The following OPA3 variants were observed in gnomAD, a reference collection of about 807,000 sequenced individuals.
OPA3 encodes outer mitochondrial membrane lipid metabolism regulator OPA3.
In OPA3, 6 loss-of-function variants were observed where a neutral mutation model predicts 4.0. That is an observed-to-expected ratio of 1.51 (90% CI 0.83 to 2.99). The LOEUF (loss-of-function observed/expected upper bound fraction) is 2.99, where lower values mean the gene tolerates loss of function less well. Ranked by LOEUF, OPA3 falls within the 30% of genes most tolerant of loss-of-function variation. The probability of loss-of-function intolerance (pLI) is 0.00; values close to 1 mark genes in which losing one functional copy is unlikely to be tolerated. For synonymous variants in OPA3, 105 were observed against 117.1 expected (o/e 0.90, Z 0.67); for missense variants, 235 against 256.2 (o/e 0.92, Z 0.56).
intron 1 of OPA3, among the ~76,000 whole-genome samples, chr19:45,582,553 A>G (rs1040746360): frequency 6.7e-6 from 1 of 148,332 alleles, no homozygotes; most frequent in Non-Finnish European, 1.5e-5. Context: ...TCGGTGGAGC[A>G]GAGTTTTTAA....
rs964374864 is a variant in OPA3, at chr19:45,553,082, G to A, written c.*432C>T. 5 of 1,115,812 alleles carry A rather than the reference G, an allele frequency of 4.5e-6. No individual in the cohort carries two copies. Among genetic ancestry groups the A allele is most frequent in the Non-Finnish European group, 5.5e-6 (5 of 906,996 alleles). The allele number at this position is 1,115,812 out of a possible 1,614,324, so 69.1% of individuals were successfully genotyped here. A position where few individuals can be genotyped will look rare whatever the true frequency, so the allele number is the denominator to read the frequency against. On this transcript the variant is annotated 3_prime_UTR_variant, in exon 2 of 2. Coordinates refer to ENST00000263275, the MANE Select transcript of OPA3 (RefSeq NM_025136.4). ...GCAACACACTGCATTTCCTTACAGT[G>A]GTCTGTGCCGATTGACAAAAAGAAG...
chr19:45,575,803 G>A (rs145196705), intron 1 of OPA3, among the ~76,000 whole-genome samples: 2 of 152,180 alleles, frequency 1.3e-5, no homozygotes, highest in African/African-American at 4.8e-5. Context: ...ACAAGGTCTC[G>A]CTTTGTTGCC....
chr19:45,568,148 G>A (rs1373839067), intron 1 of OPA3, among the ~76,000 whole-genome samples: 7 of 151,892 alleles, frequency 4.6e-5, no homozygotes, highest in Admixed American at 1.3e-4. Context: ...ACGGGTGTTG[G>A]CCACCCCACC....
intron 1 of OPA3, among the ~76,000 whole-genome samples, chr19:45,566,274 C>T (rs893726310): frequency 5.3e-5 from 8 of 151,462 alleles, no homozygotes; most frequent in Non-Finnish European, 8.8e-5. Flanking sequence ...CTCAGCCTCC[C>T]GAGTATCTGG....
intron 1 of OPA3, among the ~76,000 whole-genome samples, chr19:45,567,282 G>A (rs774711143): frequency 6.0e-5 from 9 of 150,818 alleles, no homozygotes; most frequent in Non-Finnish European, 1.0e-4. Flanking sequence ...TGAGGCTGCA[G>A]TGAGCCGTGT....
At chr19:45,543,825 G>A (rs949131447), downstream of OPA3, among the ~76,000 whole-genome samples, 1 of 152,050 alleles carries the variant, frequency 6.6e-6, no homozygotes, top group African/African-American at 2.4e-5. Context: ...TACACATATG[G>A]GGTCTCTGTT....
At chr19:45,559,976 T>C (rs1969480579) in intron 1 of OPA3, among the ~76,000 whole-genome samples, 1 of 152,086 alleles carries the variant, frequency 6.6e-6, no homozygotes, top group East Asian at 1.9e-4. Context: ...GGGGTCAAAA[T>C]ACTCAACTGA....
intron 1 of OPA3, among the ~76,000 whole-genome samples, chr19:45,559,174 G>A (rs546834124): frequency 2.0e-5 from 3 of 151,978 alleles, no homozygotes; most frequent in East Asian, 3.9e-4. Flanking sequence ...GTGAGCCACC[G>A]TGTCTGGCCT....
In OPA3 at chr19:45,541,062, A is replaced by G. The variant is rs1332119451; in HGVS notation, c.143-11606T>C. ...TAGTCTGAGTCAGGAACAGCCTGCAACAGAAACTGGAGAAACCCATGGCTT... is the reference window on the plus strand; with the variant it reads ...TAGTCTGAGTCAGGAACAGCCTGCAGCAGAAACTGGAGAAACCCATGGCTT... On this transcript the variant is annotated intron_variant, in intron 1 of 1. Transcript: ENST00000323060. 2.0e-5 allele frequency among the ~76,000 whole-genome samples: 3 copies of G among 152,286 alleles called. No homozygotes were observed. In the East Asian group the frequency reaches 5.8e-4, roughly 29 times the overall value.
rs926480551 is a variant in OPA3 at position 45,584,319 on chromosome 19, T to C, written c.142+304A>G. ...AGCTCCTCTATCCTGGAAAGCCCCG[T>C]CCAAATTTCTCCCATCTCTCACACT... is the stretch of plus-strand genomic sequence containing the variant. On this transcript the variant is annotated intron_variant, in intron 1 of 1. Coordinates refer to ENST00000263275, the MANE Select transcript of OPA3 (RefSeq NM_025136.4). 1.2e-5 allele frequency: 12 copies of C among 984,720 alleles called. No homozygotes were observed. The African/African-American group carries it at 2.1e-4, about 17-fold the overall frequency. The allele number at this position is 984,720 out of a possible 1,614,324, so 61.0% of individuals were successfully genotyped here.
Position 45,560,547 on chromosome 19 carries a change from G to A in OPA3, c.143-6636C>T, listed in dbSNP as rs116580734. ...TGCTTTTGGTGTTATCTGTCCCCTC[G>A]AGAATGTGGCACTGTGCATTGCCCC... On this transcript the variant is annotated intron_variant, in intron 1 of 1. Transcript: ENST00000263275. Among the ~76,000 whole-genome samples, 870 of 152,042 alleles carry A rather than the reference G, an allele frequency of 5.7e-3. 11 individuals are homozygous for A. Among genetic ancestry groups the A allele is most frequent in the African/African-American group, 0.02 (823 of 41,464 alleles).
intron 1 of OPA3, among the ~76,000 whole-genome samples, chr19:45,576,798 C>T (rs912394768): frequency 6.6e-6 from 1 of 152,194 alleles, no homozygotes; most frequent in Non-Finnish European, 1.5e-5. Flanking sequence ...CTGACCTGAC[C>T]TGCATAATTC....
intron 1 of OPA3, among the ~76,000 whole-genome samples, chr19:45,577,789 CAT>C (rs1320790076): frequency 7.3e-6 from 1 of 137,428 alleles, no homozygotes; most frequent in African/African-American, 3.2e-5. Flanking sequence ...TCCCGCCAAA[CAT>C]GTTCAACATG....
chr19:45,532,932 C>T (rs1187935326), intron 1 of OPA3, among the ~76,000 whole-genome samples: 1 of 152,008 alleles, frequency 6.6e-6, no homozygotes, highest in Non-Finnish European at 1.5e-5. Flanking sequence ...GCTCTTCTCC[C>T]CCAGGCTGGA....
At chr19:45,529,299 C>T (rs778741761) in exon 2 of OPA3, 7 of 1,614,148 alleles carry the variant, frequency 4.3e-6, no homozygotes, top group South Asian at 2.2e-5. Flanking sequence ...GGCGCCAATA[C>T]TCCAGCATCA....
chr19:45,560,255 C>T (rs1160074631), intron 1 of OPA3, among the ~76,000 whole-genome samples: 1 of 152,132 alleles, frequency 6.6e-6, no homozygotes, highest in Non-Finnish European at 1.5e-5. Flanking sequence ...CTTCCCTGAC[C>T]TCCAGACCCC....
At chr19:45,532,544 A>T (rs1430704585) in intron 1 of OPA3, among the ~76,000 whole-genome samples, 4 of 151,954 alleles carry the variant, frequency 2.6e-5, no homozygotes, top group African/African-American at 4.8e-5. Flanking sequence ...CCCAGTCTGG[A>T]ACGCCACCCT....
chr19:45,534,885 C>A (rs1969099910), intron 1 of OPA3, among the ~76,000 whole-genome samples: 1 of 152,142 alleles, frequency 6.6e-6, no homozygotes, highest in Admixed American at 6.5e-5. Flanking sequence ...CCAGCCTCGG[C>A]CTTCCAAAAT....
At chr19:45,540,172 C>T (rs1291903471) in intron 1 of OPA3, among the ~76,000 whole-genome samples, 1 of 151,830 alleles carries the variant, frequency 6.6e-6, no homozygotes, top group Non-Finnish European at 1.5e-5. Context: ...CAAAAATTAG[C>T]CGGGTGTGGT....
Sources: gnomAD v4.1 joint callset for allele counts (sites outside exome capture counted in the v4.1 genomes callset) on GRCh38, gnomAD v4.1.1 for gene constraint, MANE v1.5 for transcripts, NCBI Gene and HGNC (gene_info 2026-07-23, HGNC 2026-07-21) for gene names.